The following UGT1A6 variants were observed in gnomAD, a reference collection of about 807,000 sequenced individuals.
UGT1A6 encodes the protein UDP glucuronosyltransferase family 1 member A6.
In UGT1A6, 32 loss-of-function variants were observed where a neutral mutation model predicts 44.4. The ratio of observed to expected loss-of-function variants is 0.72; its 90% confidence interval spans 0.54 to 0.97. UGT1A6 has a LOEUF of 0.97. Ranked by LOEUF, UGT1A6 falls within the 50% of genes least tolerant of loss-of-function variation. The probability of loss-of-function intolerance (pLI) is 0.00; values close to 1 mark genes in which losing one functional copy is unlikely to be tolerated. For synonymous variants in UGT1A6, 238 were observed against 248.5 expected (o/e 0.96, Z 0.40); for missense variants, 685 against 661.9 (o/e 1.03, Z -0.38).
At chr2:233,724,803 C>G (rs1387288842) in intron 1 of UGT1A6, among the ~76,000 whole-genome samples, 1 of 138,308 alleles carries the variant, frequency 7.2e-6, no homozygotes, top group Non-Finnish European at 1.5e-5. Flanking sequence ...GGGTGGCGGC[C>G]GGGCAGAGGC....
chr2:233,723,457 G>A (rs1279798549), intron 1 of UGT1A6, among the ~76,000 whole-genome samples: 3 of 136,216 alleles, frequency 2.2e-5, no homozygotes, highest in African/African-American at 5.8e-5. Context: ...TGATCCACCC[G>A]CCTCAGCCTC....
intron 1 of UGT1A6, among the ~76,000 whole-genome samples, chr2:233,731,261 T>C (rs1490710727): frequency 2.6e-5 from 4 of 151,726 alleles, no homozygotes; most frequent in Non-Finnish European, 4.4e-5. Flanking sequence ...AAATAGTGAC[T>C]GTTGCCCTTC....
chr2:233,704,714 T>A (rs948754454), intron 1 of UGT1A6, among the ~76,000 whole-genome samples: 7 of 152,218 alleles, frequency 4.6e-5, no homozygotes, highest in African/African-American at 1.7e-4. Context: ...TAGCCCAATT[T>A]GCCTTTGCTC....
intron 1 of UGT1A6, among the ~76,000 whole-genome samples, chr2:233,759,387 C>A (rs1697125901): frequency 6.6e-6 from 1 of 152,128 alleles, no homozygotes. Context: ...TCAGGATACT[C>A]AGAGTAACCG....
chr2:233,747,183 G>A (rs1016025766), intron 1 of UGT1A6: 1 of 1,602,336 alleles, frequency 6.2e-7, no homozygotes, highest in South Asian at 1.1e-5. Flanking sequence ...AGCGTGGGGT[G>A]GACAGTCAGC....
intron 1 of UGT1A6, among the ~76,000 whole-genome samples, chr2:233,719,880 G>A (rs28898611): frequency 2.0e-5 from 3 of 152,144 alleles, no homozygotes; most frequent in Non-Finnish European, 4.4e-5. Flanking sequence ...GAAGAGGCAC[G>A]GATGAGGGTC....
intron 1 of UGT1A6, among the ~76,000 whole-genome samples, chr2:233,723,239 T>C (rs1575545383): frequency 9.2e-6 from 1 of 108,622 alleles, no homozygotes; most frequent in African/African-American, 4.6e-5. Flanking sequence ...TGAGTTGGAG[T>C]CCTGCTGTCA....
In UGT1A6 at chr2:233,729,945, G is replaced by A. The variant is rs752275204; in HGVS notation, c.861+36080G>A. ...ACCCCAGGCCAATCATGCCCAACAT[G>A]GTCTTCATTGGGGGCATCAACTGTG... On this transcript the variant is annotated intron_variant, in intron 1 of 4. Coordinates refer to ENST00000305139, the MANE Select transcript of UGT1A6 (RefSeq NM_001072.4). The A allele has an allele frequency of 3.7e-6, 6 of 1,613,976 alleles. No individual in the cohort carries two copies. Among genetic ancestry groups the A allele is most frequent in the Admixed American group, 1.7e-5 (1 of 60,020 alleles).
intron 1 of UGT1A6, among the ~76,000 whole-genome samples, chr2:233,748,980 T>C (rs957360151): frequency 2.4e-4 from 36 of 151,710 alleles, no homozygotes; most frequent in African/African-American, 7.6e-4. Context: ...GATCTACTTC[T>C]TTACCAACAA....
intron 1 of UGT1A6, among the ~76,000 whole-genome samples, chr2:233,701,175 A>G (rs1487804881): frequency 6.6e-6 from 1 of 152,182 alleles, no homozygotes; most frequent in Non-Finnish European, 1.5e-5. Flanking sequence ...TGCCGTTATA[A>G]ACATACATGT....
At chr2:233,742,372 A>C (rs1691957505) in intron 1 of UGT1A6, among the ~76,000 whole-genome samples, 1 of 152,034 alleles carries the variant, frequency 6.6e-6, no homozygotes, top group South Asian at 2.1e-4. Context: ...ACATGTCCTT[A>C]AGGCACAGAT....
chr2:233,699,013 G>A (rs541492586), intron 1 of UGT1A6, among the ~76,000 whole-genome samples: 2 of 152,354 alleles, frequency 1.3e-5, no homozygotes, highest in South Asian at 4.1e-4. Flanking sequence ...GAACATGAGA[G>A]GCTGAGCCAC....
intron 1 of UGT1A6, among the ~76,000 whole-genome samples, chr2:233,766,590 C>T (rs1008625240): frequency 6.6e-6 from 1 of 152,194 alleles, no homozygotes; most frequent in Admixed American, 6.5e-5. Context: ...GTGGAGCCCT[C>T]GCCAGGGACC....
intron 1 of UGT1A6, chr2:233,719,148 T>C (rs763386476): frequency 6.2e-7 from 1 of 1,614,150 alleles, no homozygotes; most frequent in African/African-American, 1.3e-5. Context: ...TCTGAAGAGA[T>C]ATTCTAGAAG....
intron 1 of UGT1A6, among the ~76,000 whole-genome samples, chr2:233,725,195 G>A (rs2077386503): frequency 1.1e-5 from 1 of 94,936 alleles, no homozygotes; most frequent in Non-Finnish European, 1.9e-5. Flanking sequence ...CAGAGGCAGA[G>A]GCAGAGGCAG....
intron 1 of UGT1A6, among the ~76,000 whole-genome samples, chr2:233,730,236 G>A (rs544044923): frequency 9.9e-4 from 150 of 152,270 alleles, no homozygotes; most frequent in African/African-American, 3.5e-3. Context: ...GGATGGACAA[G>A]GACTGGTGTG....
intron 1 of UGT1A6, among the ~76,000 whole-genome samples, chr2:233,730,325 C>G (rs532901219): frequency 2.0e-5 from 3 of 152,132 alleles, no homozygotes; most frequent in Non-Finnish European, 4.4e-5. Flanking sequence ...AACAGGGACA[C>G]TACGTTTGGA....
intron 1 of UGT1A6, among the ~76,000 whole-genome samples, chr2:233,710,430 T>C (rs1440479100): frequency 6.6e-6 from 1 of 152,242 alleles, no homozygotes; most frequent in Non-Finnish European, 1.5e-5. Context: ...AGACTTGCTA[T>C]TTTTAGTCTT....
chr2:233,760,274 G>C (rs1697379637), intron 1 of UGT1A6: 1 of 1,612,450 alleles, frequency 6.2e-7, no homozygotes, highest in African/African-American at 1.3e-5. Context: ...ACCTCTGGCA[G>C]GAGCAAAGGC....
Sources: gnomAD v4.1 joint callset for allele counts (sites outside exome capture counted in the v4.1 genomes callset) on GRCh38, gnomAD v4.1.1 for gene constraint, MANE v1.5 for transcripts, NCBI Gene and HGNC (gene_info 2026-07-23, HGNC 2026-07-21) for gene names.